Variants in KLF12 observed in about 807,000 individuals in gnomAD.
KLF12 encodes the protein Krueppel-like factor 12.
In KLF12, 9 loss-of-function variants were observed where a neutral mutation model predicts 37.8. The ratio of observed to expected loss-of-function variants is 0.24; its 90% confidence interval spans 0.14 to 0.42. KLF12 has a LOEUF of 0.42. Ranked by LOEUF, KLF12 falls within the 10% of genes least tolerant of loss-of-function variation. The pLI, the probability that KLF12 is intolerant of heterozygous loss-of-function variation, is 1.00. For missense variants in KLF12, 411 were observed against 516.0 expected (o/e 0.80, Z 1.97); for synonymous variants, 208 against 202.1 (o/e 1.03, Z -0.25).
intron 2 of KLF12, among the ~76,000 whole-genome samples, chr13:73,962,570 G>A (rs1018897414): frequency 3.3e-5 from 5 of 152,168 alleles, no homozygotes; most frequent in African/African-American, 9.7e-5. Context: ...AGGAGGTTGC[G>A]TATGTGTAGG....
chr13:74,025,728 G>A (rs1034619975), intron 1 of KLF12, among the ~76,000 whole-genome samples: 2 of 152,144 alleles, frequency 1.3e-5, no homozygotes, highest in Non-Finnish European at 2.9e-5. Context: ...TTTATAAACA[G>A]TCACTGTCGT....
intron 4 of KLF12, among the ~76,000 whole-genome samples, chr13:73,821,696 A>C: frequency 6.6e-6 from 1 of 152,234 alleles, no homozygotes; most frequent in African/African-American, 2.4e-5. Context: ...TGTCTACCGA[A>C]TATGGTTCAG....
intron 5 of KLF12, among the ~76,000 whole-genome samples, chr13:73,768,465 C>T (rs1280663644): frequency 6.6e-6 from 1 of 152,018 alleles, no homozygotes; most frequent in Non-Finnish European, 1.5e-5. Flanking sequence ...TTACTAAAGG[C>T]GAGAAAACAA....
intron 1 of KLF12, among the ~76,000 whole-genome samples, chr13:74,012,812 A>G (rs1053080822): frequency 6.6e-6 from 1 of 152,178 alleles, no homozygotes; most frequent in African/African-American, 2.4e-5. Flanking sequence ...TACTTAAAAA[A>G]CAATCACATA....
chr13:73,947,700 C>G (rs55711623), intron 2 of KLF12, among the ~76,000 whole-genome samples: 2 of 148,466 alleles, frequency 1.3e-5, no homozygotes, highest in African/African-American at 2.5e-5. Context: ...AGCTGACATT[C>G]GCTCTCCCTG....
intron 1 of KLF12, among the ~76,000 whole-genome samples, chr13:74,047,275 T>G (rs1327481621): frequency 6.6e-6 from 1 of 151,966 alleles, no homozygotes; most frequent in Non-Finnish European, 1.5e-5. Context: ...GGCCAAGTGT[T>G]AAATTATCAG....
the KLF12 span, among the ~76,000 whole-genome samples, chr13:74,274,967 G>A: frequency 6.6e-6 from 1 of 151,976 alleles, no homozygotes; most frequent in African/African-American, 2.4e-5. Flanking sequence ...CTTGGTTAAG[G>A]AGCCTGTTTA....
At chr13:73,952,221 T>C (rs1328908623) in intron 2 of KLF12, among the ~76,000 whole-genome samples, 1 of 152,162 alleles carries the variant, frequency 6.6e-6, no homozygotes, top group Non-Finnish European at 1.5e-5. Flanking sequence ...AACTACCGGA[T>C]ACCAGGTAAT....
At chr13:74,209,522 TCACACA>T in the KLF12 span, among the ~76,000 whole-genome samples, 1,229 of 145,956 alleles carry the variant, frequency 8.4e-3, 6 homozygotes, top group Non-Finnish European at 0.011. Context: ...AACATCTTAG[TCACACA>T]CACACACACA....
chr13:74,253,407 A>C, the KLF12 span, among the ~76,000 whole-genome samples: 1 of 152,216 alleles, frequency 6.6e-6, no homozygotes, highest in Non-Finnish European at 1.5e-5. Flanking sequence ...ATATCATGCA[A>C]TGTAAAGGAC....
At chr13:73,907,416 C>G (rs1239805828) in intron 3 of KLF12, among the ~76,000 whole-genome samples, 1 of 152,184 alleles carries the variant, frequency 6.6e-6, no homozygotes, top group East Asian at 1.9e-4. Flanking sequence ...CTCTACTGAT[C>G]TAAATTCTGC....
intron 5 of KLF12, among the ~76,000 whole-genome samples, chr13:73,777,642 A>T (rs1417552349): frequency 6.6e-6 from 1 of 151,750 alleles, no homozygotes; most frequent in African/African-American, 2.4e-5. Flanking sequence ...CGGTAGGCAG[A>T]GGTTGCGGTG....
chr13:73,839,521 A>G (rs1884630488), intron 4 of KLF12, among the ~76,000 whole-genome samples: 1 of 152,184 alleles, frequency 6.6e-6, no homozygotes, highest in South Asian at 2.1e-4. Flanking sequence ...ATTTTCAGTT[A>G]TCCTGCACAT....
chr13:74,278,053 G>A, the KLF12 span, among the ~76,000 whole-genome samples: 1 of 152,168 alleles, frequency 6.6e-6, no homozygotes. Flanking sequence ...GGGTGGTGCT[G>A]TTCTCTGGTC....
the KLF12 span, among the ~76,000 whole-genome samples, chr13:74,292,660 G>A: frequency 6.6e-6 from 1 of 151,980 alleles, no homozygotes. Flanking sequence ...CCCCTTGCCT[G>A]GAATGCTTCC....
intron 5 of KLF12, among the ~76,000 whole-genome samples, chr13:73,787,585 G>A (rs1881429397): frequency 6.6e-6 from 1 of 152,138 alleles, no homozygotes; most frequent in East Asian, 1.9e-4. Flanking sequence ...TAGGTACGTT[G>A]CTTGTGGAAA....
chr13:73,738,458 A>T (rs1466782512), intron 6 of KLF12, among the ~76,000 whole-genome samples: 3 of 151,904 alleles, frequency 2.0e-5, no homozygotes, highest in African/African-American at 4.8e-5. Context: ...GGCCCATCAC[A>T]TATTTTTAAG....
At chr13:73,800,887 G>C (rs1004463387) in intron 5 of KLF12, 2 of 152,032 alleles carry the variant, frequency 1.3e-5, no homozygotes, top group African/African-American at 4.8e-5. Flanking sequence ...TAATTTTGCA[G>C]AAAACTAATC....
chr13:74,092,227 G>A (rs565401772), intron 1 of KLF12, among the ~76,000 whole-genome samples: 47 of 150,606 alleles, frequency 3.1e-4, no homozygotes, highest in African/African-American at 1.1e-3. Context: ...AACCCGGGAG[G>A]TGGAGCTTGC....
Sources: gnomAD v4.1 joint callset for allele counts (sites outside exome capture counted in the v4.1 genomes callset) on GRCh38, gnomAD v4.1.1 for gene constraint, MANE v1.5 for transcripts, NCBI Gene and HGNC (gene_info 2026-07-23, HGNC 2026-07-21) for gene names.